The following HMGXB4 variants were observed in gnomAD, a reference collection of about 807,000 sequenced individuals.
HMGXB4 encodes the protein HMG-box containing 4, also known as HMG domain-containing protein 4.
HMGXB4 carries 27 observed loss-of-function variants against 63.9 expected under a neutral mutation model. That is an observed-to-expected ratio of 0.42 (90% CI 0.31 to 0.58). The LOEUF is 0.58. Among genes scored for constraint, HMGXB4 ranks in the 20% least tolerant of loss-of-function variants. The pLI, the probability that HMGXB4 is intolerant of heterozygous loss-of-function variation, is 0.13. For synonymous variants in HMGXB4, 264 were observed against 265.3 expected (o/e 0.99, Z 0.05); for missense variants, 624 against 700.7 (o/e 0.89, Z 1.24).
At chr22:35,290,241 G>A (rs1419084586) in intron 9 of HMGXB4, among the ~76,000 whole-genome samples, 2 of 152,112 alleles carry the variant, frequency 1.3e-5, no homozygotes, top group Non-Finnish European at 2.9e-5. Flanking sequence ...ATTTAGTTTA[G>A]TAAGTACAAA....
chr22:35,263,297 TTTG>T, intron 3 of HMGXB4, 71 bp downstream of exon 3: 2 of 1,328,788 alleles, frequency 1.5e-6, no homozygotes, highest in East Asian at 2.3e-5. Flanking sequence ...AGAGTTTTTT[TTTG>T]TTTTTTTTTT....
chr22:35,269,450 G>A (rs904414691), intron 5 of HMGXB4, among the ~76,000 whole-genome samples: 9 of 152,046 alleles, frequency 5.9e-5, no homozygotes, highest in Non-Finnish European at 8.8e-5. Context: ...CTGTCTGCTT[G>A]GGGCAGAATG....
At chr22:35,268,533 G>A (rs1009368889) in intron 5 of HMGXB4, among the ~76,000 whole-genome samples, 1 of 151,738 alleles carries the variant, frequency 6.6e-6, no homozygotes, top group Non-Finnish European at 1.5e-5. Context: ...CCTTGATGAC[G>A]GCAGTCCTGT....
chr22:35,277,850 T>C (rs5755679), intron 5 of HMGXB4, among the ~76,000 whole-genome samples: 77,803 of 151,998 alleles, frequency 0.51, 22,820 homozygotes, highest in Non-Finnish European at 0.65. Flanking sequence ...TGAACCTACA[T>C]TGACACATCA....
intron 2 of HMGXB4, chr22:35,262,725 C>T: frequency 1.9e-6 from 1 of 518,206 alleles, no homozygotes; most frequent in South Asian, 2.4e-5. Context: ...GGAATCACAT[C>T]CTGGACTCCC....
chr22:35,262,748 A>G (rs1336046344), intron 2 of HMGXB4: 1 of 522,612 alleles, frequency 1.9e-6, no homozygotes, highest in East Asian at 3.4e-5. Flanking sequence ...AGAGAGCAGC[A>G]CAGCACATGA....
Position 35,293,589 on chromosome 22 carries a change from T to C in HMGXB4, c.1762-18T>C. 1 of 1,590,360 alleles carries C rather than the reference T, an allele frequency of 6.3e-7. No homozygotes were observed. The highest frequency in any genetic ancestry group is 1.7e-5 in the Admixed American group (1 of 59,914). On this transcript the variant is annotated intron_variant, in intron 10 of 10. Transcript: ENST00000216106. The stretch of plus-strand genomic sequence containing the variant: ...AGGTACAGTACTCTTCAGTTGAACA[T>C]TTTTCTTTGTTTTGCAGTCAAACAC...
chr22:35,292,942 AAC>A, intron 9 of HMGXB4, 48 bp from the exon 10 acceptor site: 1 of 1,612,962 alleles, frequency 6.2e-7, no homozygotes, highest in Non-Finnish European at 8.5e-7. Flanking sequence ...AGTCAGCCGG[AAC>A]ACAGCATCAG....
At chr22:35,251,238 C>G in the HMGXB4 span, among the ~76,000 whole-genome samples, 1 of 152,040 alleles carries the variant, frequency 6.6e-6, no homozygotes, top group African/African-American at 2.4e-5. Context: ...CCACATCCGG[C>G]TAATTTTTTT....
chr22:35,268,520 GCA>G (rs1432156898), intron 5 of HMGXB4, among the ~76,000 whole-genome samples: 1 of 151,956 alleles, frequency 6.6e-6, no homozygotes, highest in East Asian at 1.9e-4. Context: ...ATCTTAAGTA[GCA>G]CCTTGATGAC....
rs1922910822 is a variant in HMGXB4, at chr22:35,262,295, A to C, written c.-68-28A>C. 4 of 1,265,960 alleles carry C rather than the reference A, an allele frequency of 3.2e-6. No individual in the cohort carries two copies. The South Asian group carries it at 4.8e-5, about 15-fold the overall frequency. The allele number at this position is 1,265,960 out of a possible 1,614,324, so 78.4% of individuals were successfully genotyped here. A position where few individuals can be genotyped will look rare whatever the true frequency, so the allele number is the denominator to read the frequency against. On this transcript the variant is annotated intron_variant, in intron 1 of 10. Transcript: ENST00000216106. ...CTTCTCCTCAGTGATTTCGCATTACAGGAGGGTTTTCCTTCTTTGTTTCTC... is the reference window on the plus strand; with the variant it reads ...CTTCTCCTCAGTGATTTCGCATTACCGGAGGGTTTTCCTTCTTTGTTTCTC...
chr22:35,258,314 A>G (rs1922592342), intron 1 of HMGXB4: 2 of 152,178 alleles, frequency 1.3e-5, no homozygotes, highest in Non-Finnish European at 2.9e-5. Context: ...TAGCGTGCAA[A>G]AGCGGAGAAA....
At chr22:35,289,573 GC>G (rs1185174055) in intron 9 of HMGXB4, among the ~76,000 whole-genome samples, 3 of 152,150 alleles carry the variant, frequency 2.0e-5, no homozygotes, top group African/African-American at 7.2e-5. Context: ...TGCATTTCCA[GC>G]AAAGTCTTGA....
chr22:35,241,944 T>C, the HMGXB4 span, among the ~76,000 whole-genome samples: 1 of 152,190 alleles, frequency 6.6e-6, no homozygotes, highest in Admixed American at 6.5e-5. Context: ...CCATCCGCCA[T>C]GATCCCTGGT....
At chr22:35,268,381 C>G (rs1020666563) in intron 5 of HMGXB4, among the ~76,000 whole-genome samples, 2 of 152,182 alleles carry the variant, frequency 1.3e-5, no homozygotes, top group African/African-American at 4.8e-5. Context: ...ATCTTTCAAG[C>G]CTTTAGCTCC....
In HMGXB4 at chr22:35,288,212, TG is replaced by T. The variant is rs764089670; in HGVS notation, c.1469-25del. 3 of 1,423,676 alleles carry T rather than the reference TG, an allele frequency of 2.1e-6. No individual in the cohort carries two copies. In the South Asian group the frequency reaches 5.0e-5, roughly 24 times the overall value. The allele number at this position is 1,423,676 out of a possible 1,614,324, so 88.2% of individuals were successfully genotyped here. ...TTCAAGGCTGTAGGCAAGTTTTACC[TG>T]TCTGCCTCATTGCTCTGTTCTCAGC... is the stretch of plus-strand genomic sequence containing the variant. On this transcript the variant is annotated intron_variant, in intron 8 of 10. Coordinates refer to ENST00000216106, the MANE Select transcript of HMGXB4 (RefSeq NM_001003681.3).
rs375684471 is a variant in HMGXB4, at chr22:35,265,255, T to C, written c.867T>C (p.Pro289=). 51 of 1,613,992 alleles carry C rather than the reference T, an allele frequency of 3.2e-5. No homozygotes were observed. The highest frequency in any genetic ancestry group is 3.6e-5 in the Non-Finnish European group (43 of 1,180,030). ...ACCTTGATCTTTCAGGGCTTGAACC[T>C]ATTCTGGTAGAATCAGACTCATCCT... is the stretch of plus-strand genomic sequence containing the variant. ...SANLDLSGLE[P]ILVESDSSSG... Residue 289 remains proline (P), a synonymous_variant, in exon 5 of 11, where the codon CCT becomes CCC. Coordinates refer to ENST00000216106, the MANE Select transcript of HMGXB4 (RefSeq NM_001003681.3).
At position 35,279,677 on chromosome 22, in the gene HMGXB4, CT is replaced by C. The variant is rs35564206; in HGVS notation, c.1216-4263del. ...GGGGGTGAGGTCTGTGTCTAGATTC[CT>C]TTTTTTTTTTTTTTTTTTTTTGGCA... is the stretch of plus-strand genomic sequence containing the variant. On this transcript the variant is annotated intron_variant, in intron 5 of 10. Transcript: ENST00000216106. Among the ~76,000 whole-genome samples the C allele has an allele frequency of 2.8e-3, 155 of 55,168 alleles. No individual in the cohort carries two copies. The East Asian group carries it at 0.036, about 13-fold the overall frequency. 36.2% of individuals were successfully genotyped at this position (55,168 alleles called of 152,430 possible). A position where few individuals can be genotyped will look rare whatever the true frequency, so the allele number is the denominator to read the frequency against.
At chr22:35,257,238 A>T (rs1429648422), upstream of HMGXB4, among the ~76,000 whole-genome samples, 3 of 152,222 alleles carry the variant, frequency 2.0e-5, no homozygotes, top group Non-Finnish European at 4.4e-5. Flanking sequence ...CACGTCACTT[A>T]ACTTCTCTCA....
Sources: gnomAD v4.1 joint callset for allele counts (sites outside exome capture counted in the v4.1 genomes callset) on GRCh38, gnomAD v4.1.1 for gene constraint, MANE v1.5 for transcripts, NCBI Gene and HGNC (gene_info 2026-07-23, HGNC 2026-07-21) for gene names.